BORCS5: variants seen among roughly 807,000 people sequenced by gnomAD.
BORCS5 encodes the protein BLOC-1 related complex subunit 5, also known as BLOC-1-related complex subunit 5.
A neutral mutation model predicts 22.1 loss-of-function variants in BORCS5; 17 were observed. The observed-to-expected ratio is 0.77, with a 90% CI of 0.53 to 1.15. BORCS5 has a LOEUF of 1.15. Among genes scored for constraint, BORCS5 ranks in the 50% most tolerant of loss-of-function variants. BORCS5 has a pLI of 0.00. For missense variants in BORCS5, 247 were observed against 253.2 expected, an observed-to-expected ratio of 0.98 and a Z score of 0.17; for synonymous variants, 117 against 99.8, an observed-to-expected ratio of 1.17 and a Z score of -1.03.
At chr12:12,400,908 C>CTA (rs1486738049) in intron 2 of BORCS5, among the ~76,000 whole-genome samples, 1 of 152,134 alleles carries the variant, frequency 6.6e-6, no homozygotes, top group Non-Finnish European at 1.5e-5. Flanking sequence ...AAGTTGTGTT[C>CTA]TATATGTATC....
intron 2 of BORCS5, among the ~76,000 whole-genome samples, chr12:12,417,978 A>G (rs1294573900): frequency 6.8e-6 from 1 of 146,884 alleles, no homozygotes; most frequent in Non-Finnish European, 1.5e-5. Flanking sequence ...TCTTCTTGCT[A>G]TATCAAACCA....
intron 2 of BORCS5, among the ~76,000 whole-genome samples, chr12:12,422,358 A>G (rs942611629): frequency 6.6e-6 from 1 of 151,048 alleles, no homozygotes; most frequent in African/African-American, 2.5e-5. Flanking sequence ...TCACGCATGT[A>G]ACTCCAGCAC....
At chr12:12,448,434 C>T (rs1451607864) in intron 3 of BORCS5, among the ~76,000 whole-genome samples, 1 of 151,720 alleles carries the variant, frequency 6.6e-6, no homozygotes, top group East Asian at 1.9e-4. Flanking sequence ...CAGCTGGTCT[C>T]GAACTCCTGA....
At chr12:12,444,156 A>G (rs1942738227) in intron 3 of BORCS5, among the ~76,000 whole-genome samples, 1 of 152,220 alleles carries the variant, frequency 6.6e-6, no homozygotes, top group Non-Finnish European at 1.5e-5. Context: ...TATATTCTTC[A>G]ATTATCTCAT....
At chr12:12,369,237 A>C (rs980568162) in intron 2 of BORCS5, among the ~76,000 whole-genome samples, 2 of 152,020 alleles carry the variant, frequency 1.3e-5, no homozygotes, top group Non-Finnish European at 2.9e-5. Context: ...CAATATAGCC[A>C]CTCCAGCTTT....
intron 3 of BORCS5, among the ~76,000 whole-genome samples, chr12:12,457,981 G>A (rs565677868): frequency 2.6e-5 from 4 of 152,322 alleles, no homozygotes; most frequent in Non-Finnish European, 4.4e-5. Flanking sequence ...CGGGATAACC[G>A]TGGTCATAAG....
At chr12:12,371,583 C>G (rs1055085518) in intron 2 of BORCS5, among the ~76,000 whole-genome samples, 2 of 152,204 alleles carry the variant, frequency 1.3e-5, no homozygotes, top group Non-Finnish European at 2.9e-5. Context: ...CATGAGCCAC[C>G]ATGCCTGGCC....
chr12:12,360,757 GT>G (rs1863264402), intron 1 of BORCS5, among the ~76,000 whole-genome samples: 1 of 151,644 alleles, frequency 6.6e-6, no homozygotes, highest in South Asian at 2.1e-4. Flanking sequence ...GTCTCACTCT[GT>G]TGCCCAGGCT....
chr12:12,378,656 G>T (rs999003930), intron 2 of BORCS5, among the ~76,000 whole-genome samples: 4 of 151,352 alleles, frequency 2.6e-5, no homozygotes, highest in Non-Finnish European at 5.9e-5. Flanking sequence ...TTGGGTCCTA[G>T]AATGAGAAAG....
chr12:12,444,786 T>G (rs1002499558), intron 3 of BORCS5, among the ~76,000 whole-genome samples: 4 of 152,166 alleles, frequency 2.6e-5, no homozygotes, highest in Non-Finnish European at 5.9e-5. Context: ...TATAATAGTT[T>G]ATATTCAATA....
In BORCS5 at chr12:12,420,614, G is replaced by A. The variant is rs193128085; in HGVS notation, c.203-15014G>A. Among the ~76,000 whole-genome samples, 1,184 of 152,272 alleles carry A rather than the reference G, an allele frequency of 7.8e-3. 20 individuals carry two copies. Among genetic ancestry groups the A allele is most frequent in the African/African-American group, 0.027 (1,121 of 41,530 alleles). ...TTGGTAGCTTAATGGGGATGGCATT[G>A]AATCTATAAATTACTTTGGGCAGTA... On this transcript the variant is annotated intron_variant, in intron 2 of 3. Transcript: ENST00000314565.
intron 3 of BORCS5, among the ~76,000 whole-genome samples, chr12:12,438,371 A>AAAAAAAACAAAAAAAAAC (rs1942603099): frequency 3.4e-5 from 4 of 117,054 alleles, no homozygotes; most frequent in African/African-American, 1.8e-4. Context: ...AAAAAAAAAA[A>AAAAAAAACAAAAAAAAAC]AAAAAAAAAC....
chr12:12,466,013 G>A lies in BORCS5; in HGVS notation c.*237G>A. 2.1e-6 allele frequency: 1 copy of A among 475,176 alleles called. No homozygotes were observed. The highest frequency in any genetic ancestry group is 3.7e-5 in the South Asian group (1 of 26,672). 29.4% of individuals were successfully genotyped at this position (475,176 alleles called of 1,614,324 possible). ...TCGGTGATAACTGAAGCTGGAACGT[G>A]TGAATTATTAGGAATTCTTTGAAGA... On this transcript the variant is annotated 3_prime_UTR_variant, in exon 4 of 4. Transcript: ENST00000314565.
intron 2 of BORCS5, among the ~76,000 whole-genome samples, chr12:12,364,529 A>C (rs1863363779): frequency 6.6e-6 from 1 of 152,220 alleles, no homozygotes; most frequent in African/African-American, 2.4e-5. Context: ...CAGAGGCAGA[A>C]GAAAATCTAC....
Position 12,379,117 on chromosome 12 carries a change from CT to C in BORCS5, c.202+17780del, listed in dbSNP as rs1036233741. 8.4e-3 allele frequency among the ~76,000 whole-genome samples: 1,207 copies of C among 142,990 alleles called. 32 individuals are homozygous for C. Among genetic ancestry groups the C allele is most frequent in the African/African-American group, 0.027 (1,073 of 39,100 alleles). The allele number at this position is 142,990 out of a possible 152,430, so 93.8% of individuals were successfully genotyped here. A position where few individuals can be genotyped will look rare whatever the true frequency, so the allele number is the denominator to read the frequency against. On this transcript the variant is annotated intron_variant, in intron 2 of 3. Transcript: ENST00000314565. ...CTTTCTTCTTTCTTCTTTCTTTTCT[CT>C]TTTTTTTTTTTCTTTTTGGAGGCAA...
intron 2 of BORCS5, among the ~76,000 whole-genome samples, chr12:12,369,944 C>T (rs1310663484): frequency 2.6e-5 from 4 of 151,542 alleles, no homozygotes; most frequent in African/African-American, 9.7e-5. Flanking sequence ...AGGCTGGTCT[C>T]GAACTCCTGA....
intron 2 of BORCS5, among the ~76,000 whole-genome samples, chr12:12,366,520 T>C (rs974867790): frequency 6.6e-6 from 1 of 152,242 alleles, no homozygotes; most frequent in African/African-American, 2.4e-5. Flanking sequence ...ATTAGTAATT[T>C]ATTTTGACAT....
At chr12:12,365,083 C>G (rs1863375908) in intron 2 of BORCS5, among the ~76,000 whole-genome samples, 1 of 152,192 alleles carries the variant, frequency 6.6e-6, no homozygotes, top group African/African-American at 2.4e-5. Context: ...GACTTTGCCA[C>G]CAACTATTAT....
chr12:12,439,027 G>A (rs541057763), intron 3 of BORCS5, among the ~76,000 whole-genome samples: 13 of 152,270 alleles, frequency 8.5e-5, no homozygotes, highest in African/African-American at 3.1e-4. Flanking sequence ...CAATTAAATG[G>A]AGGCCTTATT....
Sources: gnomAD v4.1 joint callset for allele counts (sites outside exome capture counted in the v4.1 genomes callset) on GRCh38, gnomAD v4.1.1 for gene constraint, MANE v1.5 for transcripts, NCBI Gene and HGNC (gene_info 2026-07-23, HGNC 2026-07-21) for gene names.